TYR: variants seen among roughly 807,000 people sequenced by gnomAD.
TYR encodes LB24-AB.
Under a neutral mutation model 51.5 loss-of-function variants are expected in TYR, and 58 were observed. The ratio of observed to expected loss-of-function variants is 1.13; its 90% CI spans 0.91 to 1.40. The LOEUF is 1.40. Among genes scored for constraint, TYR ranks in the 40% most tolerant of loss-of-function variants. The probability of loss-of-function intolerance (pLI) is 0.00; values close to 1 mark genes in which losing one functional copy is unlikely to be tolerated. For missense variants in TYR, 732 were observed against 647.4 expected, an observed-to-expected ratio of 1.13 and a Z score of -1.42; for synonymous variants, 263 against 235.2, an observed-to-expected ratio of 1.12 and a Z score of -1.08.
At chr11:89,219,714 C>T (rs1943883356) in intron 2 of TYR, among the ~76,000 whole-genome samples, 1 of 152,072 alleles carries the variant, frequency 6.6e-6, no homozygotes. Flanking sequence ...GGTATTGGGT[C>T]TTATACAATA....
intron 3 of TYR, among the ~76,000 whole-genome samples, chr11:89,234,297 C>A (rs1238221518): frequency 7.0e-6 from 1 of 143,832 alleles, no homozygotes; most frequent in Non-Finnish European, 1.5e-5. Context: ...CTCAATTAGG[C>A]TTTAGTTTAA....
intron 2 of TYR, among the ~76,000 whole-genome samples, chr11:89,220,131 C>G (rs576932128): frequency 6.6e-6 from 1 of 150,444 alleles, no homozygotes; most frequent in Admixed American, 6.6e-5. Context: ...AAAGAAATCT[C>G]AGACTAGGTA....
intron 2 of TYR, among the ~76,000 whole-genome samples, chr11:89,196,735 A>G (rs979877498): frequency 2.6e-5 from 4 of 152,162 alleles, no homozygotes; most frequent in Admixed American, 2.0e-4. Flanking sequence ...ATTCAGTCCG[A>G]CATCCCACAC....
chr11:89,292,588 C>T (rs796259707), intron 4 of TYR, among the ~76,000 whole-genome samples: 3 of 151,926 alleles, frequency 2.0e-5, no homozygotes, highest in African/African-American at 4.8e-5. Flanking sequence ...TAATGTAAAA[C>T]GATTGACCAC....
intron 3 of TYR, among the ~76,000 whole-genome samples, chr11:89,251,371 G>A (rs1944329076): frequency 2.6e-5 from 4 of 151,892 alleles, no homozygotes; most frequent in South Asian, 4.2e-4. Context: ...TCTGCTTGTC[G>A]GATTGCCACA....
At chr11:89,188,938 C>A (rs1943409126) in intron 1 of TYR, among the ~76,000 whole-genome samples, 1 of 151,840 alleles carries the variant, frequency 6.6e-6, no homozygotes, top group Non-Finnish European at 1.5e-5. Context: ...AATAGATACC[C>A]AAACCAAGTT....
At chr11:89,228,608 C>T (rs1432591122) in intron 3 of TYR, among the ~76,000 whole-genome samples, 1 of 152,102 alleles carries the variant, frequency 6.6e-6, no homozygotes, top group Non-Finnish European at 1.5e-5. Flanking sequence ...TCTTTTTGAA[C>T]CTAACACACT....
intron 3 of TYR, among the ~76,000 whole-genome samples, chr11:89,259,152 G>T (rs991964714): frequency 5.9e-5 from 9 of 151,994 alleles, no homozygotes; most frequent in Admixed American, 3.9e-4. Flanking sequence ...AATGAGTCTA[G>T]AATTCGTAAC....
chr11:89,183,081 G>A (rs1451941850), intron 1 of TYR, among the ~76,000 whole-genome samples: 2 of 151,926 alleles, frequency 1.3e-5, no homozygotes, highest in Admixed American at 6.6e-5. Context: ...AATGTCATAC[G>A]GTTTACATTT....
At position 89,266,945 on chromosome 11, in the gene TYR, T is replaced by G. The variant is rs192384768; in HGVS notation, c.1185-17828T>G. Among the ~76,000 whole-genome samples the G allele has an allele frequency of 2.3e-3, 355 of 152,022 alleles. 7 individuals carry two copies. In the East Asian group the frequency reaches 0.038, roughly 16 times the overall value. ...TGTTAGAGTTTGTGTCTGAAGGGCCTTATGCACAATAGGAATGATATCCTT... is the reference window on the plus strand; with the variant it reads ...TGTTAGAGTTTGTGTCTGAAGGGCCGTATGCACAATAGGAATGATATCCTT... On this transcript the variant is annotated intron_variant, in intron 3 of 4. Coordinates refer to ENST00000263321, the MANE Select transcript of TYR (RefSeq NM_000372.5).
At chr11:89,255,923 T>C (rs1053054813) in intron 3 of TYR, among the ~76,000 whole-genome samples, 3 of 151,706 alleles carry the variant, frequency 2.0e-5, no homozygotes, top group African/African-American at 7.2e-5. Flanking sequence ...TATTTATTAT[T>C]ATTATTACTT....
chr11:89,284,402 T>C (rs1944756289), intron 3 of TYR, among the ~76,000 whole-genome samples: 1 of 151,822 alleles, frequency 6.6e-6, no homozygotes, highest in South Asian at 2.1e-4. Flanking sequence ...AATTTAGTTT[T>C]ATACGTTCTT....
chr11:89,200,745 TG>T lies in TYR; in HGVS notation c.1036+9328del, dbSNP rs576337090. 327 of 152,280 alleles carry T rather than the reference TG, an allele frequency of 2.1e-3. 3 individuals are homozygous for T. Among genetic ancestry groups the T allele is most frequent in the African/African-American group, 7.5e-3 (310 of 41,572 alleles). 9.4% of individuals were successfully genotyped at this position (152,280 alleles called of 1,614,324 possible). On this transcript the variant is annotated intron_variant, in intron 2 of 4. Coordinates refer to ENST00000263321, the MANE Select transcript of TYR (RefSeq NM_000372.5). ...CTACATTCAATATATTATAATTTAT[TG>T]TTTGGTTGAAGAACTTGATGAAAAT...
At chr11:89,197,089 T>C (rs1291512674) in intron 2 of TYR, among the ~76,000 whole-genome samples, 3 of 152,162 alleles carry the variant, frequency 2.0e-5, no homozygotes, top group East Asian at 1.9e-4. Context: ...TATCAGTAAC[T>C]GCTCACTGAG....
At chr11:89,281,738 A>G (rs1944724279) in intron 3 of TYR, among the ~76,000 whole-genome samples, 2 of 151,794 alleles carry the variant, frequency 1.3e-5, no homozygotes. Context: ...AAGGGTGACC[A>G]GAGTCTTTAC....
intron 3 of TYR, among the ~76,000 whole-genome samples, chr11:89,277,878 G>A (rs1393350): frequency 0.17 from 25,612 of 151,478 alleles, 2,973 homozygotes; most frequent in Non-Finnish European, 0.27. Context: ...TCTCTGCAAC[G>A]AAATCTGTGT....
Position 89,191,215 on chromosome 11 carries a change from G to T in TYR, c.833G>T (p.Arg278Leu). 2.5e-6 allele frequency: 4 copies of T among 1,613,416 alleles called. No homozygotes were observed. Among genetic ancestry groups the T allele is most frequent in the Non-Finnish European group, 3.4e-6 (4 of 1,179,630 alleles). ...FFSSWQIVCS[R>L]LEEYNSHQSL... ...TGTTTTGTACAGATTGTCTGTAGCCGATTGGAGGAGTACAACAGCCATCAG... is the reference window on the plus strand; with the variant it reads ...TGTTTTGTACAGATTGTCTGTAGCCTATTGGAGGAGTACAACAGCCATCAG... Residue 278 changes from arginine (R) to leucine (L), a missense_variant, in exon 2 of 5, where the codon CGA (arginine) becomes CTA (leucine). Transcript: ENST00000263321.
In TYR at chr11:89,178,378, A is replaced by T. The variant is rs754250982; in HGVS notation, c.425A>T (p.Lys142Met). ...DKFFAYLTLA[K>M]HTISSDYVIP... ...TTTTTTGCCTACCTCACTTTAGCAA[A>T]GCATACCATCAGCTCAGACTATGTC... is the stretch of plus-strand genomic sequence containing the variant. Residue 142 changes from lysine (K) to methionine (M), a missense_variant, in exon 1 of 5, where the codon AAG (lysine) becomes ATG (methionine). Lys to Met is a moderately conservative substitution (Grantham distance 95). Coordinates refer to ENST00000263321, the MANE Select transcript of TYR (RefSeq NM_000372.5). 4 of 1,614,166 alleles carry T rather than the reference A, an allele frequency of 2.5e-6. No homozygotes were observed. In the East Asian group the frequency reaches 8.9e-5, roughly 36 times the overall value.
intron 2 of TYR, among the ~76,000 whole-genome samples, chr11:89,221,986 C>T (rs2135277477): frequency 6.6e-6 from 1 of 152,290 alleles, no homozygotes; most frequent in East Asian, 1.9e-4. Context: ...GATTTATGTG[C>T]CAATGCCTAG....
Sources: gnomAD v4.1 joint callset for allele counts (sites outside exome capture counted in the v4.1 genomes callset) on GRCh38, gnomAD v4.1.1 for gene constraint, MANE v1.5 for transcripts, NCBI Gene and HGNC (gene_info 2026-07-23, HGNC 2026-07-21) for gene names.